SBF1: variants seen among roughly 807,000 people sequenced by gnomAD.
The protein encoded by SBF1 is myotubularin-related protein 5.
Under a neutral mutation model 215.8 loss-of-function variants are expected in SBF1, and 65 were observed. That is an observed-to-expected ratio of 0.30 (90% CI 0.25 to 0.37). SBF1 has a LOEUF of 0.37. Ranked by LOEUF, SBF1 falls within the 10% of genes least tolerant of loss-of-function variation. SBF1 has a pLI of 1.00. For synonymous variants in SBF1, 1,410 were observed against 1,122.8 expected, an observed-to-expected ratio of 1.26 and a Z score of -5.11; for missense variants, 2,634 against 2,667.8, an observed-to-expected ratio of 0.99 and a Z score of 0.28.
intron 1 of SBF1, among the ~76,000 whole-genome samples, chr22:50,472,886 C>T (rs2068044209): frequency 1.3e-5 from 2 of 152,210 alleles, no homozygotes; most frequent in Admixed American, 1.3e-4. Flanking sequence ...ACCAGCTCAA[C>T]CCCAGAAGGT....
At chr22:50,452,716 C>A (rs2067092192) in intron 36 of SBF1, among the ~76,000 whole-genome samples, 2 of 93,510 alleles carry the variant, frequency 2.1e-5, no homozygotes, top group East Asian at 3.0e-4. Context: ...AGGGAGACTC[C>A]ATCTCTCAAA....
At chr22:50,474,323 A>G (rs2068096604) in intron 1 of SBF1, among the ~76,000 whole-genome samples, 1 of 152,214 alleles carries the variant, frequency 6.6e-6, no homozygotes, top group Admixed American at 6.5e-5. Context: ...GGGGCTTCAG[A>G]CGGAGCACCA....
At chr22:50,457,257 A>T (rs1051258933) in intron 28 of SBF1, 146 bp from the exon 29 acceptor site, 14 of 593,430 alleles carry the variant, frequency 2.4e-5, no homozygotes, top group Non-Finnish European at 3.5e-5. Flanking sequence ...TGATCGCAGG[A>T]AAGTGGGAAG....
rs376825545 is a variant in SBF1, at chr22:50,462,897, C to T, written c.1941G>A (p.Leu647=). Reference sequence around the variant, plus strand: ...GGCAGAAGGCTGTGACCAGAGGCAGCAGAGCCGCCGCAATGCCATGCTCGT... The same window carrying T: ...GGCAGAAGGCTGTGACCAGAGGCAGTAGAGCCGCCGCAATGCCATGCTCGT... ...SLDEHGIAAA[L]LPLVTAFCRK... is the part of the protein sequence containing the mutation. Residue 647 remains leucine (L), a synonymous_variant, in exon 17 of 41, where the codon CTG becomes CTA. Transcript: ENST00000380817. The T allele has an allele frequency of 4.3e-6, 7 of 1,612,722 alleles. No individual in the cohort carries two copies. In the African/African-American group the frequency reaches 9.3e-5, roughly 22 times the overall value.
In SBF1 at chr22:50,457,123, G is replaced by C. The variant is rs1384307365; in HGVS notation, c.3827-12C>G. 3 of 1,473,446 alleles carry C rather than the reference G, an allele frequency of 2.0e-6. No individual in the cohort carries two copies. The highest frequency in any genetic ancestry group is 2.7e-6 in the Non-Finnish European group (3 of 1,120,110). 91.3% of individuals were successfully genotyped at this position (1,473,446 alleles called of 1,614,324 possible). On this transcript the variant is annotated splice_polypyrimidine_tract_variant and intron_variant, in intron 28 of 40. Transcript: ENST00000380817. ...TCTGGGGCTGGGAACTGAGGGCACA[G>C]CAGAGAGAAGGCTCAGGCCTAGCCC...
rs1191131992 is a variant in SBF1, at chr22:50,466,104, A to T, written c.898-30T>A. ...GGACCAAGGGAGCCGGCAGTCAGGG[A>T]CCTGCAGGCCTGGGCCGTGAGGTGG... On this transcript the variant is annotated intron_variant, in intron 8 of 40. Transcript: ENST00000380817. 6.2e-6 allele frequency: 10 copies of T among 1,612,136 alleles called. No individual in the cohort carries two copies. The Admixed American group carries it at 8.3e-5, about 13-fold the overall frequency.
chr22:50,445,319 A>AACC lies in SBF1; in HGVS notation c.*1820_*1822dup, dbSNP rs2066747870. 1 of 152,326 alleles carries AACC rather than the reference A, an allele frequency of 6.6e-6. No homozygotes were observed. The highest frequency in any genetic ancestry group is 2.4e-5 in the African/African-American group (1 of 41,342). The allele number at this position is 152,326 out of a possible 1,614,324, so 9.4% of individuals were successfully genotyped here. A position where few individuals can be genotyped will look rare whatever the true frequency, so the allele number is the denominator to read the frequency against. On this transcript the variant is annotated 3_prime_UTR_variant, in exon 41 of 41. Coordinates refer to ENST00000380817, the MANE Select transcript of SBF1 (RefSeq NM_002972.4). The stretch of plus-strand genomic sequence containing the variant: ...ACTTCGCCTAACGCTCAAACACATC[A>AACC]ACCCCAGGACTTCCTTTTGTGCCAG...
intron 31 of SBF1, 95 bp downstream of exon 31, chr22:50,456,121 C>T (rs1269635678): frequency 7.5e-7 from 1 of 1,333,472 alleles, no homozygotes; most frequent in Non-Finnish European, 1.0e-6. Flanking sequence ...GCGCTCCACA[C>T]TGTCAGACAA....
intron 1 of SBF1, 40 bp from the exon 2 acceptor site, chr22:50,468,501 C>G: frequency 8.4e-7 from 1 of 1,195,820 alleles, no homozygotes; most frequent in Non-Finnish European, 1.1e-6. Context: ...CCAACCCGCC[C>G]CCCACCCACC....
At chr22:50,458,539 G>T (rs2067356362) in intron 28 of SBF1, among the ~76,000 whole-genome samples, 1 of 152,216 alleles carries the variant, frequency 6.6e-6, no homozygotes, top group South Asian at 2.1e-4. Context: ...GGGTGGGAAG[G>T]CAGCAAGACA....
At position 50,459,552 on chromosome 22, in the gene SBF1, G is replaced by C; in HGVS notation, c.3606C>G (p.Ser1202=). ...CTCCAGAGCGCAGCAGCACCGCCTT[G>C]GACCGCCCGCTGCGCCAGCAGACCA... The part of the protein sequence containing the change: ...FPVVCWRSGR[S]KAVLLRSGGL... The change falls in exon 27 of 41, where the codon TCC becomes TCG. Residue 1202 remains serine, a synonymous_variant. Transcript: ENST00000380817. 6.2e-7 allele frequency: 1 copy of C among 1,609,278 alleles called. No individual in the cohort carries two copies.
chr22:50,454,767 A>G, intron 35 of SBF1, 25 bp from the exon 36 acceptor site: 1 of 1,596,624 alleles, frequency 6.3e-7, no homozygotes, highest in Non-Finnish European at 8.5e-7. Flanking sequence ...GTGGTTGAGG[A>G]CCTGGGTCGG....
intron 13 of SBF1, 21 bp from the exon 14 acceptor site, chr22:50,464,759 T>C (rs1396311805): frequency 6.2e-7 from 1 of 1,609,220 alleles, no homozygotes; most frequent in Non-Finnish European, 8.5e-7. Context: ...ACGGCAGGTG[T>C]GGGGCAGGGG....
intron 26 of SBF1, 71 bp from the exon 27 acceptor site, chr22:50,459,737 C>T (rs1212157515): frequency 1.4e-6 from 2 of 1,464,862 alleles, no homozygotes; most frequent in African/African-American, 1.4e-5. Context: ...CCAAGCAGGG[C>T]AAGAGGAGCC....
chr22:50,466,606 T>A lies in SBF1; in HGVS notation c.654A>T (p.Leu218=). ...CGGGGGTGGGACAGACAGGCTCACC[T>A]AGCTGGCGGAAGAGCAGGGCCACGC... ...RCSVALLFRQ[L]GITNVLSLFC... Residue 218 remains leucine, a splice_region_variant and synonymous_variant, in exon 6 of 41, where the codon CTA becomes CTT. Transcript: ENST00000380817. The A allele has an allele frequency of 6.5e-7, 1 of 1,549,340 alleles. No homozygotes were observed. Among genetic ancestry groups the A allele is most frequent in the Non-Finnish European group, 8.7e-7 (1 of 1,145,426 alleles).
Position 50,474,779 on chromosome 22 carries a change from C to T in SBF1, c.55+7G>A, listed in dbSNP as rs144873419. 25,192 of 1,463,446 alleles carry T rather than the reference C, an allele frequency of 0.017. 2,410 individuals are homozygous for T. In the African/African-American group the frequency reaches 0.26, roughly 15 times the overall value. 90.7% of individuals were successfully genotyped at this position (1,463,446 alleles called of 1,614,324 possible). A position where few individuals can be genotyped will look rare whatever the true frequency, so the allele number is the denominator to read the frequency against. ...CCCGGCCCTCAGCGCTTGGCCTCGGCACTCACCGCGCGGGTGCGGCCCGAA... is the reference window on the plus strand; with the variant it reads ...CCCGGCCCTCAGCGCTTGGCCTCGGTACTCACCGCGCGGGTGCGGCCCGAA... On this transcript the variant is annotated splice_region_variant and intron_variant, in intron 1 of 40. Coordinates refer to ENST00000380817, the MANE Select transcript of SBF1 (RefSeq NM_002972.4).
intron 28 of SBF1, 151 bp from the exon 29 acceptor site, chr22:50,457,262 G>T: frequency 1.8e-6 from 1 of 565,312 alleles, no homozygotes; most frequent in South Asian, 3.2e-5. Context: ...GCAGGAAAGT[G>T]GGAAGAGCCA....
intron 36 of SBF1, 145 bp downstream of exon 36, chr22:50,454,367 G>C (rs1208021439): frequency 1.3e-5 from 9 of 705,016 alleles, no homozygotes; most frequent in Admixed American, 2.4e-5. Flanking sequence ...CAGTTCACAT[G>C]GTGGGGAGAC....
chr22:50,447,335 T>G lies in SBF1; in HGVS notation c.5570A>C (p.Lys1857Thr). The change falls in exon 40 of 41, where the codon AAG (lysine) becomes ACG (threonine). Residue 1857 changes from lysine to threonine, a missense_variant. By Grantham distance (78) the Lys-to-Thr change is moderately conservative (BLOSUM62 -1). Coordinates refer to ENST00000380817, the MANE Select transcript of SBF1 (RefSeq NM_002972.4). ...GCCAAGGCTCACGTCAAAGAAGGCCTTCTCGTCCACAGTCTTAGGGGCACC... is the reference window on the plus strand; with the variant it reads ...GCCAAGGCTCACGTCAAAGAAGGCCGTCTCGTCCACAGTCTTAGGGGCACC... ...TMGAPKTVDE[K>T]AFFDVKTTRR... is the part of the protein sequence containing the mutation. The G allele has an allele frequency of 6.2e-7, 1 of 1,613,998 alleles. No individual in the cohort carries two copies. Among genetic ancestry groups the G allele is most frequent in the Non-Finnish European group, 8.5e-7 (1 of 1,179,952 alleles).
Sources: allele counts gnomAD v4.1 joint callset (sites outside exome capture counted in the v4.1 genomes callset), GRCh38; gene constraint gnomAD v4.1.1; transcripts MANE v1.5; gene names NCBI Gene and HGNC (gene_info 2026-07-23, HGNC 2026-07-21).